USP34: variants seen among roughly 807,000 people sequenced by gnomAD.
The protein encoded by USP34 is ubiquitin specific peptidase 34.
In USP34, 70 loss-of-function variants were observed where a neutral mutation model predicts 460.3. The observed-to-expected ratio is 0.15, with a 90% CI of 0.13 to 0.19. The LOEUF (loss-of-function observed/expected upper bound fraction) is 0.19. Among genes scored for constraint, USP34 ranks in the 10% least tolerant of loss-of-function variants. USP34 has a pLI of 1.00. For missense variants in USP34, 3,985 were observed against 4,236.2 expected, an observed-to-expected ratio of 0.94 and a Z score of 1.65; for synonymous variants, 1,647 against 1,405.3, an observed-to-expected ratio of 1.17 and a Z score of -3.85.
chr2:61,383,449 A>C (rs891643941), intron 5 of USP34, 113 bp from the exon 6 acceptor site: 6 of 671,536 alleles, frequency 8.9e-6, no homozygotes, highest in African/African-American at 7.3e-5. Flanking sequence ...TCACGCCTGT[A>C]ATCCCAGCAC....
chr2:61,321,950 C>T lies in USP34; in HGVS notation c.3014-2623G>A, dbSNP rs954610694. ...TTTGTAAAATATGAAAAAAGGAGGC[C>T]GGGCACGGTGGCTCACACCTGTAAT... On this transcript the variant is annotated intron_variant, in intron 21 of 79. Transcript: ENST00000398571. Among the ~76,000 whole-genome samples the T allele has an allele frequency of 3.9e-5, 6 of 151,970 alleles. No homozygotes were observed. In the South Asian group the frequency reaches 6.3e-4, roughly 16 times the overall value.
intron 41 of USP34, among the ~76,000 whole-genome samples, chr2:61,275,913 A>C (rs941315224): frequency 6.6e-6 from 1 of 152,174 alleles, no homozygotes; most frequent in African/African-American, 2.4e-5. Context: ...AACAGAAGAG[A>C]AGTAAAAAAA....
In USP34 at chr2:61,302,563, A is replaced by T. The variant is rs533513545; in HGVS notation, c.3818-1109T>A. On this transcript the variant is annotated intron_variant, in intron 27 of 79. Transcript: ENST00000398571. ...CAAACGTTCAATCCTATTTTCTTCT[A>T]AATTTTCCTACCATTGTTAACACAG... Among the ~76,000 whole-genome samples the T allele has an allele frequency of 4.6e-5, 7 of 152,304 alleles. No homozygotes were observed. In the South Asian group the frequency reaches 1.5e-3, roughly 32 times the overall value.
At chr2:61,341,725 T>A (rs942349571) in intron 16 of USP34, among the ~76,000 whole-genome samples, 2 of 151,882 alleles carry the variant, frequency 1.3e-5, no homozygotes, top group African/African-American at 4.8e-5. Flanking sequence ...AAACCACTTT[T>A]GTTTATAAAC....
chr2:61,278,174 C>T lies in USP34; in HGVS notation c.5424G>A (p.Arg1808=), dbSNP rs774367602. Residue 1808 remains arginine, a synonymous_variant, in exon 41 of 80, where the codon AGG becomes AGA. Coordinates refer to ENST00000398571, the MANE Select transcript of USP34 (RefSeq NM_014709.4). Reference sequence around the variant, plus strand: ...TTATCTTAACACTTACCTGTCCTTCCCTTGAAAATTTAAAGGGTGGTTTGT... The same window carrying T: ...TTATCTTAACACTTACCTGTCCTTCTCTTGAAAATTTAAAGGGTGGTTTGT... ...VKHKPPFKFS[R]EGQEFLRDIF... is the part of the protein sequence containing the mutation. 1.2e-6 allele frequency: 2 copies of T among 1,612,766 alleles called. No individual in the cohort carries two copies. The highest frequency in any genetic ancestry group is 4.5e-5 in the East Asian group (2 of 44,854).
intron 2 of USP34, among the ~76,000 whole-genome samples, chr2:61,406,570 T>C (rs1693876825): frequency 6.6e-6 from 1 of 152,010 alleles, no homozygotes; most frequent in Admixed American, 6.6e-5. Flanking sequence ...TTAATGTCCT[T>C]GAAGGCTACT....
intron 5 of USP34, among the ~76,000 whole-genome samples, chr2:61,384,071 T>C (rs1411118191): frequency 2.0e-5 from 3 of 152,138 alleles, no homozygotes; most frequent in Non-Finnish European, 4.4e-5. Flanking sequence ...TATTTCAAAT[T>C]ACCCATAATT....
At chr2:61,403,472 T>C (rs1217054665) in intron 3 of USP34, among the ~76,000 whole-genome samples, 1 of 152,114 alleles carries the variant, frequency 6.6e-6, no homozygotes, top group Non-Finnish European at 1.5e-5. Context: ...ATGTAGATGG[T>C]GTTTATGTAG....
Position 61,219,662 on chromosome 2 carries a change from C to G in USP34, c.8047+648G>C, listed in dbSNP as rs1162241322. Reference sequence around the variant, plus strand: ...CTCCAGCCTGAGCAACAGAGTGAGACTCTGTCTCAAAAAAAAAAAAAAAAA... The same window carrying G: ...CTCCAGCCTGAGCAACAGAGTGAGAGTCTGTCTCAAAAAAAAAAAAAAAAA... On this transcript the variant is annotated intron_variant, in intron 67 of 79. Transcript: ENST00000398571. 2.1e-5 allele frequency among the ~76,000 whole-genome samples: 3 copies of G among 145,564 alleles called. No individual in the cohort carries two copies. The South Asian group carries it at 6.5e-4, about 31-fold the overall frequency.
At position 61,314,763 on chromosome 2, in the gene USP34, G is replaced by A. The variant is rs752761115; in HGVS notation, c.3383-19C>T. Reference sequence around the variant, plus strand: ...GTTTTACCTGAAAGCCAAATGTTTAGACACATATATTAGCCTTATATTCTT... The same window carrying A: ...GTTTTACCTGAAAGCCAAATGTTTAAACACATATATTAGCCTTATATTCTT... On this transcript the variant is annotated intron_variant, in intron 24 of 79. Coordinates refer to ENST00000398571, the MANE Select transcript of USP34 (RefSeq NM_014709.4). 6.3e-7 allele frequency: 1 copy of A among 1,575,862 alleles called. No individual in the cohort carries two copies. Among genetic ancestry groups the A allele is most frequent in the Non-Finnish European group, 8.6e-7 (1 of 1,165,498 alleles).
intron 1 of USP34, among the ~76,000 whole-genome samples, chr2:61,470,314 C>T (rs1225855869): frequency 6.6e-6 from 1 of 152,188 alleles, no homozygotes; most frequent in Non-Finnish European, 1.5e-5. Flanking sequence ...CGCACCTTCC[C>T]GGCAGGGCGA....
intron 1 of USP34, among the ~76,000 whole-genome samples, chr2:61,445,710 C>T (rs1285299777): frequency 6.6e-6 from 1 of 152,076 alleles, no homozygotes; most frequent in African/African-American, 2.4e-5. Flanking sequence ...GTAATCCCAG[C>T]ACTTTGGGAG....
At chr2:61,299,647 A>C (rs1262234530) in intron 29 of USP34, among the ~76,000 whole-genome samples, 1 of 151,370 alleles carries the variant, frequency 6.6e-6, no homozygotes, top group Admixed American at 6.6e-5. Context: ...CCTATTCAGG[A>C]CGCTGAGGCA....
At position 61,277,824 on chromosome 2, in the gene USP34, C is replaced by T. The variant is rs1459706891; in HGVS notation, c.5433+341G>A. ...GTGGGAGATGACTGAATCATGGCGG[C>T]GGTTTCCCCCATACTGTTCTTGTGA... On this transcript the variant is annotated intron_variant, in intron 41 of 79. Transcript: ENST00000398571. 3.2e-5 allele frequency: 6 copies of T among 185,812 alleles called. No homozygotes were observed. In the South Asian group the frequency reaches 7.4e-4, roughly 23 times the overall value. 11.5% of individuals were successfully genotyped at this position (185,812 alleles called of 1,614,324 possible). A position where few individuals can be genotyped will look rare whatever the true frequency, so the allele number is the denominator to read the frequency against.
rs368674889 is a variant in USP34 at position 61,235,980 on chromosome 2, G to A, written c.6966+46C>T. 5.7e-5 allele frequency: 91 copies of A among 1,595,068 alleles called. No homozygotes were observed. The African/African-American group carries it at 8.8e-4, about 15-fold the overall frequency. ...CAATAACAAAAACCAAAAGATATCT[G>A]ATAAAAACATAAATGACAAAAAAAT... On this transcript the variant is annotated intron_variant, in intron 56 of 79. Coordinates refer to ENST00000398571, the MANE Select transcript of USP34 (RefSeq NM_014709.4).
chr2:61,350,377 C>A lies in USP34; in HGVS notation c.1390G>T (p.Ala464Ser), dbSNP rs1361393977. The part of the protein sequence containing the change: ...SVHTEQTLYL[A>S]SMLIKALWNN... ...CACAGTGCTTTAATTAACATGGATG[C>A]CAAGTACAGTGTCTAAAAAAAAGAG... Residue 464 changes from alanine (A) to serine (S), a missense_variant, in exon 12 of 80, where the codon GCA (alanine) becomes TCA (serine). Ala to Ser is a moderately conservative substitution (Grantham distance 99, BLOSUM62 1). Transcript: ENST00000398571. The A allele has an allele frequency of 6.2e-7, 1 of 1,611,104 alleles. No individual in the cohort carries two copies. The highest frequency in any genetic ancestry group is 1.3e-5 in the African/African-American group (1 of 74,918).
intron 1 of USP34, among the ~76,000 whole-genome samples, chr2:61,434,485 CA>C (rs1310235477): frequency 6.6e-6 from 1 of 152,200 alleles, no homozygotes; most frequent in Non-Finnish European, 1.5e-5. Flanking sequence ...CCTGTGGCTT[CA>C]ACCCCAGCAA....
At chr2:61,308,084 G>A (rs555385550) in intron 27 of USP34, among the ~76,000 whole-genome samples, 6 of 152,002 alleles carry the variant, frequency 3.9e-5, no homozygotes, top group Non-Finnish European at 1.5e-5. Context: ...GTAACAGAAA[G>A]AAAGGGGGAA....
In USP34 at chr2:61,326,476, C is replaced by A. The variant is rs149612223; in HGVS notation, c.2931-1019G>T. 1.1e-4 allele frequency among the ~76,000 whole-genome samples: 16 copies of A among 152,282 alleles called. No individual in the cohort carries two copies. In the East Asian group the frequency reaches 2.9e-3, roughly 28 times the overall value. On this transcript the variant is annotated intron_variant, in intron 20 of 79. Coordinates refer to ENST00000398571, the MANE Select transcript of USP34 (RefSeq NM_014709.4). ...CTCCTGACCTCAAGTGATCTGCCTG[C>A]CTTGGCCTAGCAAAGTGCTGGGATT...
Sources: gnomAD v4.1 joint callset for allele counts (sites outside exome capture counted in the v4.1 genomes callset) on GRCh38, gnomAD v4.1.1 for gene constraint, MANE v1.5 for transcripts, NCBI Gene and HGNC (gene_info 2026-07-23, HGNC 2026-07-21) for gene names.